Variants in IGF1R observed in about 807,000 individuals in gnomAD.
The protein encoded by IGF1R is insulin like growth factor 1 receptor.
IGF1R carries 44 observed loss-of-function variants against 144.6 expected under a neutral mutation model. That is an observed-to-expected ratio of 0.30 (90% CI 0.24 to 0.39). The LOEUF is 0.39. IGF1R is among the 10% of genes least tolerant of loss of function. The pLI, the probability that IGF1R is intolerant of heterozygous loss-of-function variation, is 1.00. For synonymous variants in IGF1R, 795 were observed against 722.8 expected, an observed-to-expected ratio of 1.10 and a Z score of -1.60; for missense variants, 1,355 against 1,833.7, an observed-to-expected ratio of 0.74 and a Z score of 4.77.
At position 98,707,673 on chromosome 15, in the gene IGF1R, A is replaced by G. The variant is rs1344519980; in HGVS notation, c.206A>G (p.Asp69Gly). The G allele has an allele frequency of 2.5e-6, 4 of 1,614,154 alleles. No homozygotes were observed. The highest frequency in any genetic ancestry group is 3.4e-6 in the Non-Finnish European group (4 of 1,180,026). Residue 69 changes from aspartate (D) to glycine (G), a missense_variant, in exon 2 of 21, where the codon GAC (aspartate) becomes GGC (glycine). Around this residue, in one of 7 missense-constraint regions of IGF1R, gnomAD observed 75 missense variants for 160.0 expected, o/e 0.47. Coordinates refer to ENST00000650285, the MANE Select transcript of IGF1R (RefSeq NM_000875.5). The surrounding 1 kb of genome is among the most constrained non-coding windows in gnomAD (Gnocchi z 6.7). The stretch of plus-strand genomic sequence containing the variant: ...ATCCTGCTCATCTCCAAGGCCGAGG[A>G]CTACCGCAGCTACCGCTTCCCCAAG... ...LHILLISKAE[D>G]YRSYRFPKLT...
At chr15:98,841,418 A>G (rs1029889618) in intron 2 of IGF1R, among the ~76,000 whole-genome samples, 4 of 152,228 alleles carry the variant, frequency 2.6e-5, no homozygotes, top group African/African-American at 9.6e-5. Flanking sequence ...CTATACGTAA[A>G]GTTTTTAGAA....
chr15:98,854,499 C>T (rs1185396989), intron 2 of IGF1R, among the ~76,000 whole-genome samples: 4 of 152,274 alleles, frequency 2.6e-5, no homozygotes, highest in East Asian at 3.9e-4. Context: ...CTTTCTTCTG[C>T]GGCCCTTCAT....
chr15:98,767,199 A>T (rs998759035), intron 2 of IGF1R, among the ~76,000 whole-genome samples: 1 of 151,926 alleles, frequency 6.6e-6, no homozygotes, highest in African/African-American at 2.4e-5. Flanking sequence ...TTTTCATGTA[A>T]TCTCTCAGTA....
intron 2 of IGF1R, among the ~76,000 whole-genome samples, chr15:98,739,959 A>G (rs979353354): frequency 6.6e-6 from 1 of 152,206 alleles, no homozygotes; most frequent in East Asian, 1.9e-4. Flanking sequence ...GAAGGTACCC[A>G]GTGTAGGTCT....
intron 2 of IGF1R, among the ~76,000 whole-genome samples, chr15:98,731,689 C>G (rs539506203): frequency 3.3e-5 from 5 of 152,298 alleles, no homozygotes; most frequent in Admixed American, 1.3e-4. Flanking sequence ...GGTGCTGCCC[C>G]CTTCACGCTA....
intron 2 of IGF1R, among the ~76,000 whole-genome samples, chr15:98,852,045 G>A (rs1461132234): frequency 6.6e-6 from 1 of 152,242 alleles, no homozygotes; most frequent in Non-Finnish European, 1.5e-5. Context: ...AAAGGTGGAG[G>A]GTTGGGGTGG....
intron 20 of IGF1R, among the ~76,000 whole-genome samples, chr15:98,956,648 C>T (rs2016997417): frequency 1.3e-5 from 2 of 152,330 alleles, no homozygotes; most frequent in South Asian, 4.1e-4. Context: ...GGTGAGAAAC[C>T]AGGGGTTTCC....
rs543538585 is a variant in IGF1R, at chr15:98,661,543, A to G, written c.94+11868A>G. ...AGCATCTTGTGAAATTCTCATGTGA[A>G]TGCTGAACCGGCTGGATGTGAACTT... On this transcript the variant is annotated intron_variant, in intron 1 of 20. Coordinates refer to ENST00000650285, the MANE Select transcript of IGF1R (RefSeq NM_000875.5). Among the ~76,000 whole-genome samples, 8 of 152,346 alleles carry G rather than the reference A, an allele frequency of 5.3e-5. No homozygotes were observed. The South Asian group carries it at 1.7e-3, about 32-fold the overall frequency.
intron 2 of IGF1R, among the ~76,000 whole-genome samples, chr15:98,761,401 G>A (rs948452658): frequency 1.3e-5 from 2 of 152,210 alleles, no homozygotes; most frequent in Non-Finnish European, 2.9e-5. Flanking sequence ...GGAAGGAAGC[G>A]AGGATGGACA....
Position 98,964,159 on chromosome 15 carries a change from G to A in IGF1R, c.*6717G>A, listed in dbSNP as rs1370640879. 2.1e-5 allele frequency: 5 copies of A among 232,708 alleles called. No homozygotes were observed. The highest frequency in any genetic ancestry group is 1.7e-4 in the Admixed American group (3 of 17,748). 14.4% of individuals were successfully genotyped at this position (232,708 alleles called of 1,614,324 possible). Reference sequence around the variant, plus strand: ...AAAAAATCAAACCAGAAGGCGGGATGGAATGGATGCACCGCAAATAATGCA... The same window carrying A: ...AAAAAATCAAACCAGAAGGCGGGATAGAATGGATGCACCGCAAATAATGCA... On this transcript the variant is annotated 3_prime_UTR_variant, in exon 21 of 21. Transcript: ENST00000650285.
rs1025970165 is a variant in IGF1R, at chr15:98,815,661, A to T, written c.641-75664A>T. Among the ~76,000 whole-genome samples, 15 of 152,156 alleles carry T rather than the reference A, an allele frequency of 9.9e-5. 1 individual carries two copies. The highest frequency in any genetic ancestry group is 3.6e-4 in the African/African-American group (15 of 41,436). On this transcript the variant is annotated intron_variant, in intron 2 of 20. Transcript: ENST00000650285. ...CACTCCAAATCTCTCAGTGCGTAGG[A>T]TAGGGTCCATCTGGTCCAAAGGAGA...
chr15:98,924,859 G>A (rs1032113599), intron 13 of IGF1R, among the ~76,000 whole-genome samples, 175 bp downstream of exon 13: 1 of 152,206 alleles, frequency 6.6e-6, no homozygotes, highest in African/African-American at 2.4e-5. Context: ...GAAAGGTTGG[G>A]CAGGGCAGAT....
intron 2 of IGF1R, among the ~76,000 whole-genome samples, chr15:98,851,570 C>T (rs936143844): frequency 2.6e-5 from 4 of 151,858 alleles, no homozygotes; most frequent in Admixed American, 2.6e-4. Flanking sequence ...GACTCTGGCT[C>T]AGGACCTCTG....
intron 1 of IGF1R, among the ~76,000 whole-genome samples, chr15:98,695,014 G>A (rs1190792790): frequency 1.3e-5 from 2 of 152,210 alleles, no homozygotes; most frequent in African/African-American, 4.8e-5. Flanking sequence ...TAAGGAAAAT[G>A]TTGTATGTGC....
intron 5 of IGF1R, among the ~76,000 whole-genome samples, chr15:98,906,332 C>T (rs1412760638): frequency 2.0e-5 from 3 of 152,316 alleles, no homozygotes; most frequent in South Asian, 4.1e-4. Context: ...TTGGTCCTTA[C>T]CGGCAGCCCA....
intron 5 of IGF1R, among the ~76,000 whole-genome samples, chr15:98,907,026 A>C (rs964901574): frequency 6.6e-6 from 1 of 152,166 alleles, no homozygotes; most frequent in African/African-American, 2.4e-5. Context: ...GTCGTTCTTA[A>C]AGTAGACAGG....
At position 98,649,520 on chromosome 15, in the gene IGF1R, CTTTTCTTTTTTTT is replaced by C. The variant is rs1250146907; in HGVS notation, c.-57_-45del. 797 of 857,806 alleles carry C rather than the reference CTTTTCTTTTTTTT, an allele frequency of 9.3e-4. No homozygotes were observed. The highest frequency in any genetic ancestry group is 9.2e-4 in the African/African-American group (35 of 38,118). The allele number at this position is 857,806 out of a possible 1,614,324, so 53.1% of individuals were successfully genotyped here. On this transcript the variant is annotated 5_prime_UTR_variant, in exon 1 of 21. Coordinates refer to ENST00000650285, the MANE Select transcript of IGF1R (RefSeq NM_000875.5). ...TCCTTTCATTTCCTTTTTTTCTTTT[CTTTTCTTTTTTTT>C]TTTTTTTTTTTTTTTTGAGAAAGGG... is the stretch of plus-strand genomic sequence containing the variant.
intron 1 of IGF1R, among the ~76,000 whole-genome samples, chr15:98,661,873 G>A (rs565176577): frequency 6.6e-6 from 1 of 151,802 alleles, no homozygotes; most frequent in Admixed American, 6.5e-5. Flanking sequence ...TCCTCATGGT[G>A]GGTGGCCCTG....
intron 2 of IGF1R, among the ~76,000 whole-genome samples, chr15:98,832,462 G>GAT (rs2057019078): frequency 6.6e-6 from 1 of 152,212 alleles, no homozygotes; most frequent in South Asian, 2.1e-4. Flanking sequence ...TTACCCCTGA[G>GAT]ATGTGTAACC....
Sources: allele counts gnomAD v4.1 joint callset (sites outside exome capture counted in the v4.1 genomes callset), GRCh38; gene constraint gnomAD v4.1.1; regional missense constraint gnomAD v4.1.1; non-coding constraint Gnocchi (gnomAD v3.1); transcripts MANE v1.5; gene names NCBI Gene and HGNC (gene_info 2026-07-23, HGNC 2026-07-21).